The following ETV6 variants were observed in gnomAD, a reference collection of about 807,000 sequenced individuals.
ETV6 encodes ETS variant transcription factor 6, also known as transcription factor ETV6.
Under a neutral mutation model 51.1 loss-of-function variants are expected in ETV6, and 16 were observed. The observed-to-expected ratio is 0.31, with a 90% CI of 0.21 to 0.48. The LOEUF (loss-of-function observed/expected upper bound fraction) is 0.48, where lower values mean the gene tolerates loss of function less well. Ranked by LOEUF, ETV6 falls within the 20% of genes least tolerant of loss-of-function variation. The pLI is 0.99. For missense variants in ETV6, 458 were observed against 594.8 expected, an observed-to-expected ratio of 0.77 and a Z score of 2.39; for synonymous variants, 240 against 224.1, an observed-to-expected ratio of 1.07 and a Z score of -0.64.
At chr12:11,719,324 G>C (rs1248492349) in intron 1 of ETV6, among the ~76,000 whole-genome samples, 1 of 152,204 alleles carries the variant, frequency 6.6e-6, no homozygotes, top group Non-Finnish European at 1.5e-5. Flanking sequence ...CAGTCCCTTT[G>C]GGCAATCTCA....
At chr12:11,879,234 C>T (rs781658331) in intron 5 of ETV6, among the ~76,000 whole-genome samples, 11 of 152,190 alleles carry the variant, frequency 7.2e-5, no homozygotes, top group Non-Finnish European at 1.0e-4. Context: ...CTGTCATTTG[C>T]AGGCCTTCTT....
At chr12:11,775,651 C>T (rs1945312080) in intron 2 of ETV6, among the ~76,000 whole-genome samples, 1 of 152,152 alleles carries the variant, frequency 6.6e-6, no homozygotes, top group Admixed American at 6.5e-5. Flanking sequence ...AAGGCGCCAT[C>T]ACTGCTTTAG....
In ETV6 at chr12:11,892,857, T is replaced by C. The variant is rs1239369456; in HGVS notation, c.*1811T>C. 2.6e-5 allele frequency: 6 copies of C among 232,950 alleles called. No homozygotes were observed. Among genetic ancestry groups the C allele is most frequent in the African/African-American group, 4.4e-5 (2 of 45,334 alleles). The allele number at this position is 232,950 out of a possible 1,614,324, so 14.4% of individuals were successfully genotyped here. ...CAACCTAGGGTGCAAACAGATGGAC[T>C]ATGGTTCAAGGACACTGGAATTGAG... On this transcript the variant is annotated 3_prime_UTR_variant, in exon 8 of 8. Coordinates refer to ENST00000396373, the MANE Select transcript of ETV6 (RefSeq NM_001987.5).
At chr12:11,862,859 T>C (rs1399072645) in intron 4 of ETV6, among the ~76,000 whole-genome samples, 2 of 152,206 alleles carry the variant, frequency 1.3e-5, no homozygotes, top group African/African-American at 4.8e-5. Context: ...GAAATATAGT[T>C]TGAATTCCAC....
In ETV6 at chr12:11,774,041, G is replaced by T. The variant is rs533067730; in HGVS notation, c.163+21462G>T. ...TCACACAACTGAGGGCGGACCTGGAGCTCAGCCGGCTGAGGGTTTGAGAGA... is the reference window on the plus strand; with the variant it reads ...TCACACAACTGAGGGCGGACCTGGATCTCAGCCGGCTGAGGGTTTGAGAGA... On this transcript the variant is annotated intron_variant, in intron 2 of 7. Transcript: ENST00000396373. Among the ~76,000 whole-genome samples, 3 of 152,288 alleles carry T rather than the reference G, an allele frequency of 2.0e-5. No homozygotes were observed. In the East Asian group the frequency reaches 5.8e-4, roughly 29 times the overall value.
intron 2 of ETV6, among the ~76,000 whole-genome samples, chr12:11,771,347 C>A (rs1268509540): frequency 6.6e-6 from 1 of 152,202 alleles, no homozygotes; most frequent in African/African-American, 2.4e-5. Context: ...AATCTTGAGA[C>A]ACCTTTTCAG....
At chr12:11,650,243 A>T in intron 1 of ETV6, 83 bp downstream of exon 1, 2 of 1,194,778 alleles carry the variant, frequency 1.7e-6, no homozygotes, top group Admixed American at 1.7e-5. Context: ...TCCTCAGAGC[A>T]GGCTGTTGCA....
intron 2 of ETV6, among the ~76,000 whole-genome samples, chr12:11,788,946 A>C (rs930006971): frequency 1.8e-4 from 27 of 149,460 alleles, no homozygotes; most frequent in Non-Finnish European, 1.0e-4. Flanking sequence ...TGAGTCACCT[A>C]CTCTTTTATG....
rs1055764726 is a variant in ETV6, at chr12:11,869,359, C to T, written c.464-65C>T. ...CTCCTCCATTTACCGCCTGTAGAGC[C>T]GCAGGGAGTTTCCTGTCCTGCCAAC... is the stretch of plus-strand genomic sequence containing the variant. On this transcript the variant is annotated intron_variant, in intron 4 of 7. Coordinates refer to ENST00000396373, the MANE Select transcript of ETV6 (RefSeq NM_001987.5). This position sits in a 1 kb window ranked among gnomAD's most constrained non-coding sequence, Gnocchi z 5.0. 23 of 1,458,392 alleles carry T rather than the reference C, an allele frequency of 1.6e-5. No homozygotes were observed. The highest frequency in any genetic ancestry group is 1.1e-4 in the South Asian group (9 of 78,304). The allele number at this position is 1,458,392 out of a possible 1,614,324, so 90.3% of individuals were successfully genotyped here. A position where few individuals can be genotyped will look rare whatever the true frequency, so the allele number is the denominator to read the frequency against.
At chr12:11,766,035 G>A (rs1945156471) in intron 2 of ETV6, among the ~76,000 whole-genome samples, 1 of 152,182 alleles carries the variant, frequency 6.6e-6, no homozygotes, top group African/African-American at 2.4e-5. Context: ...AGGAGGTGAT[G>A]AAGAGCAAGG....
chr12:11,777,952 C>T (rs1348783003), intron 2 of ETV6, among the ~76,000 whole-genome samples: 1 of 152,152 alleles, frequency 6.6e-6, no homozygotes, highest in Non-Finnish European at 1.5e-5. Context: ...TGGGACTGTG[C>T]CAGATTGATC....
At chr12:11,783,384 G>A (rs1005642917) in intron 2 of ETV6, among the ~76,000 whole-genome samples, 1 of 152,192 alleles carries the variant, frequency 6.6e-6, no homozygotes. Context: ...CAGTGACCCA[G>A]TAAGCACAAT....
intron 2 of ETV6, among the ~76,000 whole-genome samples, chr12:11,759,937 CTT>C (rs1945060410): frequency 6.6e-6 from 1 of 152,184 alleles, no homozygotes; most frequent in African/African-American, 2.4e-5. Flanking sequence ...GTAATTCAAA[CTT>C]TTGGGGTTTC....
chr12:11,665,952 C>G (rs1225827473), intron 1 of ETV6, among the ~76,000 whole-genome samples: 2 of 152,218 alleles, frequency 1.3e-5, no homozygotes, highest in Non-Finnish European at 2.9e-5. Context: ...ACAGCAGAGA[C>G]AGCCCAAGAT....
At chr12:11,865,398 A>G (rs1028785094) in intron 4 of ETV6, among the ~76,000 whole-genome samples, 1 of 151,898 alleles carries the variant, frequency 6.6e-6, no homozygotes, top group African/African-American at 2.4e-5. Context: ...ACCATCTCAT[A>G]AATGTTTTTT....
chr12:11,826,603 T>G (rs1254143699), intron 2 of ETV6: 1 of 152,274 alleles, frequency 6.6e-6, no homozygotes, highest in East Asian at 1.9e-4. Context: ...CAAAGCTAAG[T>G]GTGAACAGCC....
chr12:11,661,922 A>T (rs1230320059), intron 1 of ETV6, among the ~76,000 whole-genome samples: 1 of 152,190 alleles, frequency 6.6e-6, no homozygotes, highest in African/African-American at 2.4e-5. Context: ...AATGGAATCC[A>T]GGGGGAATGT....
At chr12:11,833,558 C>T (rs78730937) in intron 2 of ETV6, among the ~76,000 whole-genome samples, 1,817 of 152,286 alleles carry the variant, frequency 0.012, 32 homozygotes, top group African/African-American at 0.038. Context: ...TTAACGTGGG[C>T]TCGGAGCCAG....
intron 5 of ETV6, among the ~76,000 whole-genome samples, chr12:11,879,116 T>G (rs1331260102): frequency 6.6e-6 from 1 of 152,172 alleles, no homozygotes; most frequent in Non-Finnish European, 1.5e-5. Context: ...TATGCTACTT[T>G]GCGTGTTTTG....
Sources: gnomAD v4.1 joint callset for allele counts (sites outside exome capture counted in the v4.1 genomes callset) on GRCh38, gnomAD v4.1.1 for gene constraint, Gnocchi (gnomAD v3.1) non-coding constraint, MANE v1.5 for transcripts, NCBI Gene and HGNC (gene_info 2026-07-23, HGNC 2026-07-21) for gene names.